Variants in DYNC1I1 observed in about 807,000 individuals in gnomAD.
DYNC1I1 encodes dynein cytoplasmic 1 intermediate chain 1.
DYNC1I1 carries 43 observed loss-of-function variants against 86.6 expected under a neutral mutation model. That is an observed-to-expected ratio of 0.50 (90% CI 0.39 to 0.64). The LOEUF (loss-of-function observed/expected upper bound fraction) is 0.64. Among genes scored for constraint, DYNC1I1 ranks in the 30% least tolerant of loss-of-function variants. The probability of loss-of-function intolerance (pLI) is 0.00; values close to 1 mark genes in which losing one functional copy is unlikely to be tolerated. For synonymous variants in DYNC1I1, 262 were observed against 283.7 expected, an observed-to-expected ratio of 0.92 and a Z score of 0.77; for missense variants, 604 against 788.8, an observed-to-expected ratio of 0.77 and a Z score of 2.81.
At chr7:95,825,135 T>C (rs1795176741) in intron 4 of DYNC1I1, among the ~76,000 whole-genome samples, 1 of 152,232 alleles carries the variant, frequency 6.6e-6, no homozygotes, top group Non-Finnish European at 1.5e-5. Context: ...AAGGCTGTTG[T>C]GGTGTTACAT....
chr7:96,064,574 A>G (rs1273147020), intron 14 of DYNC1I1, among the ~76,000 whole-genome samples: 3 of 152,176 alleles, frequency 2.0e-5, no homozygotes, highest in Non-Finnish European at 4.4e-5. Context: ...TTACATCTCA[A>G]GGTACCAAAG....
chr7:95,998,679 C>A (rs1030543411), intron 10 of DYNC1I1, among the ~76,000 whole-genome samples: 1 of 152,216 alleles, frequency 6.6e-6, no homozygotes, highest in African/African-American at 2.4e-5. Context: ...TAGAGAGTAG[C>A]AAGAGTACCT....
chr7:96,087,057 A>G (rs1790702695), intron 16 of DYNC1I1, among the ~76,000 whole-genome samples: 1 of 147,364 alleles, frequency 6.8e-6, no homozygotes, highest in Non-Finnish European at 1.5e-5. Context: ...TTTGAGTAAC[A>G]CAAAATAAAT....
At chr7:95,805,244 A>G (rs949922259) in intron 2 of DYNC1I1, among the ~76,000 whole-genome samples, 2 of 152,326 alleles carry the variant, frequency 1.3e-5, no homozygotes, top group Admixed American at 6.5e-5. Flanking sequence ...GTATATTCTA[A>G]CTATAAGTGT....
At chr7:95,782,684 T>G (rs1028214402) in intron 1 of DYNC1I1, among the ~76,000 whole-genome samples, 1 of 152,228 alleles carries the variant, frequency 6.6e-6, no homozygotes, top group African/African-American at 2.4e-5. Flanking sequence ...AACCCTGTCC[T>G]CTTGGTACCT....
chr7:95,840,520 A>G lies in DYNC1I1; in HGVS notation c.374+12404A>G, dbSNP rs1789252515. ...AACATCTTCATGATCAACATTTTGA[A>G]TTCTCTGTTGGGTAAATCACATGTC... On this transcript the variant is annotated intron_variant, in intron 5 of 16. Transcript: ENST00000447467. Among the ~76,000 whole-genome samples, 7 of 152,278 alleles carry G rather than the reference A, an allele frequency of 4.6e-5. No individual in the cohort carries two copies. The South Asian group carries it at 1.5e-3, about 32-fold the overall frequency.
chr7:95,886,960 A>G (rs1367613868), intron 6 of DYNC1I1, among the ~76,000 whole-genome samples: 2 of 152,208 alleles, frequency 1.3e-5, no homozygotes, highest in Non-Finnish European at 2.9e-5. Flanking sequence ...GCAGTTTTCA[A>G]CAAAGAATAA....
Position 96,044,004 on chromosome 7 carries a change from G to A in DYNC1I1, c.1509+4583G>A, listed in dbSNP as rs73232544. Among the ~76,000 whole-genome samples the A allele has an allele frequency of 5.3e-3, 809 of 152,224 alleles. 3 individuals are homozygous for A. The highest frequency in any genetic ancestry group is 0.01 in the Middle Eastern group (3 of 294). ...ATTACAGGTGTGAGGCACTGTGTCTGGCCAATAATTGTTATGATCACTTTA... is the reference window on the plus strand; with the variant it reads ...ATTACAGGTGTGAGGCACTGTGTCTAGCCAATAATTGTTATGATCACTTTA... On this transcript the variant is annotated intron_variant, in intron 14 of 16. Coordinates refer to ENST00000447467, the MANE Select transcript of DYNC1I1 (RefSeq NM_001135556.2).
intron 5 of DYNC1I1, among the ~76,000 whole-genome samples, chr7:95,868,093 G>C (rs1384151434): frequency 6.6e-6 from 1 of 152,174 alleles, no homozygotes; most frequent in Non-Finnish European, 1.5e-5. Flanking sequence ...TGTCACTTGT[G>C]CAAAGCTCAG....
At chr7:95,844,674 T>C (rs1789379465) in intron 5 of DYNC1I1, among the ~76,000 whole-genome samples, 1 of 151,942 alleles carries the variant, frequency 6.6e-6, no homozygotes, top group African/African-American at 2.4e-5. Context: ...CCTCAACCAC[T>C]GAGTCTGTTT....
At chr7:95,829,677 A>G (rs1447654937) in intron 5 of DYNC1I1, among the ~76,000 whole-genome samples, 1 of 152,134 alleles carries the variant, frequency 6.6e-6, no homozygotes, top group Non-Finnish European at 1.5e-5. Context: ...TTTTCCAAGC[A>G]AAAACTCATG....
At chr7:95,909,798 C>T (rs1490604618) in intron 6 of DYNC1I1, among the ~76,000 whole-genome samples, 2 of 152,108 alleles carry the variant, frequency 1.3e-5, no homozygotes, top group Admixed American at 6.6e-5. Context: ...GCAGTGCGAG[C>T]CACAGACTTG....
At chr7:95,884,974 A>C (rs1185667721) in intron 6 of DYNC1I1, among the ~76,000 whole-genome samples, 1 of 152,206 alleles carries the variant, frequency 6.6e-6, no homozygotes, top group Non-Finnish European at 1.5e-5. Context: ...ATGGTATATT[A>C]CAAGTACTCA....
At chr7:95,867,295 G>A (rs1252000585) in intron 5 of DYNC1I1, among the ~76,000 whole-genome samples, 1 of 152,184 alleles carries the variant, frequency 6.6e-6, no homozygotes, top group Admixed American at 6.5e-5. Context: ...AGAGCCACTT[G>A]ATATATACCA....
In DYNC1I1 at chr7:95,814,750, G is replaced by A. The variant is rs62469569; in HGVS notation, c.314+1413G>A. On this transcript the variant is annotated intron_variant, in intron 4 of 16. Coordinates refer to ENST00000447467, the MANE Select transcript of DYNC1I1 (RefSeq NM_001135556.2). ...CTTCAGACTTGAATATTTTGTTTTC[G>A]TAGGCCCTTTGGAAACCAGTGGACA... 4.8e-3 allele frequency among the ~76,000 whole-genome samples: 729 copies of A among 151,684 alleles called. 7 individuals carry two copies. Among genetic ancestry groups the A allele is most frequent in the Non-Finnish European group, 5.3e-3 (357 of 67,908 alleles).
chr7:95,984,765 C>T (rs549734270), intron 7 of DYNC1I1, 50 bp from the exon 8 acceptor site: 110 of 1,531,410 alleles, frequency 7.2e-5, no homozygotes, highest in Non-Finnish European at 9.0e-5. Context: ...TTTTAATTGT[C>T]ACTTTTTCTT....
intron 10 of DYNC1I1, among the ~76,000 whole-genome samples, chr7:96,011,997 A>T (rs377592115): frequency 2.7e-4 from 41 of 152,330 alleles, no homozygotes; most frequent in African/African-American, 8.7e-4. Flanking sequence ...GAAAAACTTA[A>T]AAAATGAAAA....
At chr7:95,987,761 A>G (rs1274765166) in intron 9 of DYNC1I1, among the ~76,000 whole-genome samples, 1 of 152,180 alleles carries the variant, frequency 6.6e-6, no homozygotes, top group Non-Finnish European at 1.5e-5. Flanking sequence ...CAGAGCCACT[A>G]TTCTAGGTGT....
chr7:96,055,385 G>A (rs528619941), intron 14 of DYNC1I1, among the ~76,000 whole-genome samples: 16 of 152,080 alleles, frequency 1.1e-4, no homozygotes, highest in Non-Finnish European at 1.8e-4. Context: ...TTCTGCATAT[G>A]TATTCCAGAA....
Sources: gnomAD v4.1 joint callset for allele counts (sites outside exome capture counted in the v4.1 genomes callset) on GRCh38, gnomAD v4.1.1 for gene constraint, MANE v1.5 for transcripts, NCBI Gene and HGNC (gene_info 2026-07-23, HGNC 2026-07-21) for gene names.